LMNB1: variants seen among roughly 807,000 people sequenced by gnomAD.
The protein encoded by LMNB1 is lamin B1, also known as lamin-B1.
Under a neutral mutation model 67.1 loss-of-function variants are expected in LMNB1, and 23 were observed. That is an observed-to-expected ratio of 0.34 (90% confidence interval 0.25 to 0.49). The LOEUF is 0.49. Among genes scored for constraint, LMNB1 ranks in the 20% least tolerant of loss-of-function variants. LMNB1 has a pLI of 0.99. For missense variants in LMNB1, 634 were observed against 746.5 expected, an observed-to-expected ratio of 0.85 and a Z score of 1.76; for synonymous variants, 281 against 282.9, an observed-to-expected ratio of 0.99 and a Z score of 0.07.
intron 1 of LMNB1, among the ~76,000 whole-genome samples, chr5:126,800,982 A>ATATAAATAATTTTTTTTT: frequency 5.4e-5 from 1 of 18,638 alleles, no homozygotes; most frequent in South Asian, 2.8e-3. Flanking sequence ...TATATATATA[A>ATATAAATAATTTTTTTTT]TTTTTTTTTT....
chr5:126,829,439 G>A (rs940490399), intron 9 of LMNB1, among the ~76,000 whole-genome samples: 1 of 151,820 alleles, frequency 6.6e-6, no homozygotes, highest in Non-Finnish European at 1.5e-5. Flanking sequence ...TGCTAACGTG[G>A]TCCGGTACTA....
chr5:126,800,364 G>A (rs1301885729), intron 1 of LMNB1, among the ~76,000 whole-genome samples: 1 of 152,130 alleles, frequency 6.6e-6, no homozygotes, highest in Non-Finnish European at 1.5e-5. Flanking sequence ...CATTACAGAG[G>A]AAGGATGACA....
chr5:126,819,320 T>C (rs975661858), intron 6 of LMNB1, 178 bp downstream of exon 6: 1 of 532,646 alleles, frequency 1.9e-6, no homozygotes, highest in Non-Finnish European at 3.3e-6. Flanking sequence ...AAAATGTTGC[T>C]CAAGTACTCT....
intron 3 of LMNB1, among the ~76,000 whole-genome samples, chr5:126,809,663 G>A (rs1384711747): frequency 6.6e-6 from 1 of 151,996 alleles, no homozygotes; most frequent in Non-Finnish European, 1.5e-5. Flanking sequence ...CAACAGCCTG[G>A]GCGACAGAGT....
At chr5:126,823,018 A>G (rs976194206) in intron 8 of LMNB1, 133 bp downstream of exon 8, 3 of 639,132 alleles carry the variant, frequency 4.7e-6, no homozygotes, top group African/African-American at 1.9e-5. Context: ...TTAGGGCATT[A>G]CAAGTGCTAT....
intron 1 of LMNB1, among the ~76,000 whole-genome samples, chr5:126,794,633 A>G (rs983849721): frequency 2.0e-5 from 3 of 152,214 alleles, no homozygotes; most frequent in African/African-American, 4.8e-5. Flanking sequence ...AGGGGCTACC[A>G]GACAGCTGTT....
Position 126,811,862 on chromosome 5 carries a change from G to C in LMNB1, c.903G>C (p.Glu301Asp). 6.2e-7 allele frequency: 1 copy of C among 1,612,620 alleles called. No individual in the cohort carries two copies. Among genetic ancestry groups the C allele is most frequent in the African/African-American group, 1.3e-5 (1 of 75,030 alleles). Residue 301 changes from glutamate (E) to aspartate (D), a missense_variant, in exon 5 of 11, where the codon GAG becomes GAC. Glu to Asp is a conservative substitution (Grantham distance 45). Transcript: ENST00000261366. The stretch of plus-strand genomic sequence containing the variant: ...TGATGGAAAGCCGCATGAGAATTGA[G>C]AGCCTTTCATCCCAGCTTTCTAATC... ...EELMESRMRI[E>D]SLSSQLSNLQ...
Position 126,810,110 on chromosome 5 carries a change from TG to T in LMNB1, c.643-69del. 4 of 1,397,502 alleles carry T rather than the reference TG, an allele frequency of 2.9e-6. No homozygotes were observed. In the South Asian group the frequency reaches 5.7e-5, roughly 20 times the overall value. The allele number at this position is 1,397,502 out of a possible 1,614,324, so 86.6% of individuals were successfully genotyped here. ...TGTGTAAAACTTCAGATGGCTGTGA[TG>T]TCACTCAGATGTGTACCAATGCAGC... On this transcript the variant is annotated intron_variant, in intron 3 of 10. Coordinates refer to ENST00000261366, the MANE Select transcript of LMNB1 (RefSeq NM_005573.4).
chr5:126,789,232 A>G (rs905510048), intron 1 of LMNB1, among the ~76,000 whole-genome samples: 4 of 152,178 alleles, frequency 2.6e-5, no homozygotes, highest in African/African-American at 4.8e-5. Context: ...ATTCTTACTC[A>G]GTGTTTATGT....
intron 6 of LMNB1, 116 bp downstream of exon 6, chr5:126,819,258 T>C: frequency 1.5e-6 from 1 of 673,604 alleles, no homozygotes; most frequent in Non-Finnish European, 2.5e-6. Flanking sequence ...GTCATTTCTT[T>C]GAACACCTAG....
chr5:126,786,374 G>T (rs1341273269), intron 1 of LMNB1, among the ~76,000 whole-genome samples: 1 of 152,058 alleles, frequency 6.6e-6, no homozygotes, highest in Non-Finnish European at 1.5e-5. Flanking sequence ...TCCTGCCTTG[G>T]CCTCCCAGAG....
chr5:126,806,167 G>A (rs1005861097), intron 3 of LMNB1, among the ~76,000 whole-genome samples: 20 of 152,094 alleles, frequency 1.3e-4, no homozygotes, highest in South Asian at 2.1e-4. Flanking sequence ...ATTGGCCAGG[G>A]TGGTCTCGAT....
At chr5:126,819,771 A>G (rs929962083) in intron 6 of LMNB1, among the ~76,000 whole-genome samples, 1 of 151,976 alleles carries the variant, frequency 6.6e-6, no homozygotes, top group Non-Finnish European at 1.5e-5. Flanking sequence ...TACAGGTGTG[A>G]GCCACCACGC....
At chr5:126,789,800 A>G (rs531489034) in intron 1 of LMNB1, among the ~76,000 whole-genome samples, 1 of 152,086 alleles carries the variant, frequency 6.6e-6, no homozygotes, top group South Asian at 2.1e-4. Context: ...CAGCCTCCTG[A>G]GTAGCTGGGA....
At chr5:126,799,020 C>CT (rs201572633) in intron 1 of LMNB1, among the ~76,000 whole-genome samples, 40,812 of 134,916 alleles carry the variant, frequency 0.3, 6,512 homozygotes, top group South Asian at 0.38. Context: ...GATGCATTGA[C>CT]TTTTTTTTTT....
chr5:126,786,356 C>G (rs377281825), intron 1 of LMNB1, among the ~76,000 whole-genome samples: 1 of 152,066 alleles, frequency 6.6e-6, no homozygotes, highest in African/African-American at 2.4e-5. Context: ...CTCCTGACCT[C>G]GTGATCCTCC....
At chr5:126,830,484 A>T (rs1752106350) in intron 9 of LMNB1, among the ~76,000 whole-genome samples, 2 of 152,138 alleles carry the variant, frequency 1.3e-5, no homozygotes, top group Admixed American at 6.5e-5. Flanking sequence ...AGATTTTTAG[A>T]CATTAGCTCA....
At position 126,832,744 on chromosome 5, in the gene LMNB1, G is replaced by A. The variant is rs1428843893; in HGVS notation, c.1662G>A (p.Glu554=). 6.3e-7 allele frequency: 1 copy of A among 1,592,520 alleles called. No individual in the cohort carries two copies. The highest frequency in any genetic ancestry group is 8.6e-7 in the Non-Finnish European group (1 of 1,164,074). ...TTAAAACAACCATACCTGAAGAAGA[G>A]GAGGAGGAGGAAGAAGCAGCTGGAG... ...TVFKTTIPEE[E]EEEEEAAGVV... is the part of the protein sequence containing the mutation. The change falls in exon 10 of 11, where the codon GAG becomes GAA. Residue 554 remains glutamate (E), a synonymous_variant. Coordinates refer to ENST00000261366, the MANE Select transcript of LMNB1 (RefSeq NM_005573.4).
chr5:126,804,238 C>CTTTTTTT (rs61232506), intron 1 of LMNB1, among the ~76,000 whole-genome samples: 5 of 101,162 alleles, frequency 4.9e-5, no homozygotes, highest in African/African-American at 7.5e-5. Context: ...GTGCCAGGCT[C>CTTTTTTT]TTTTTTTTTT....
Sources: allele counts gnomAD v4.1 joint callset (sites outside exome capture counted in the v4.1 genomes callset), GRCh38; gene constraint gnomAD v4.1.1; transcripts MANE v1.5; gene names NCBI Gene and HGNC (gene_info 2026-07-23, HGNC 2026-07-21).